The following AGBL4 variants were observed in gnomAD, a reference collection of about 807,000 sequenced individuals.
AGBL4 encodes AGBL carboxypeptidase 4, also known as cytosolic carboxypeptidase 6.
In AGBL4, 58 loss-of-function variants were observed where a neutral mutation model predicts 66.4. The observed-to-expected ratio is 0.87, with a 90% CI of 0.71 to 1.09. The LOEUF is 1.09. Ranked by LOEUF, AGBL4 falls within the 50% of genes least tolerant of loss-of-function variation. The pLI, the probability that AGBL4 is intolerant of heterozygous loss-of-function variation, is 0.00. For missense variants in AGBL4, 579 were observed against 631.0 expected (o/e 0.92, Z 0.88); for synonymous variants, 234 against 222.9 (o/e 1.05, Z -0.44).
At chr1:49,877,761 A>T (rs1348291740) in intron 1 of AGBL4, among the ~76,000 whole-genome samples, 1 of 151,138 alleles carries the variant, frequency 6.6e-6, no homozygotes, top group Non-Finnish European at 1.5e-5. Flanking sequence ...TACCTCTGGT[A>T]GAATTCGGCT....
intron 4 of AGBL4, among the ~76,000 whole-genome samples, chr1:49,237,227 C>A (rs1202741691): frequency 6.6e-6 from 1 of 151,472 alleles, no homozygotes; most frequent in Non-Finnish European, 1.5e-5. Flanking sequence ...TGTGCCACTG[C>A]ACTCCAGCCT....
At chr1:49,771,296 T>C (rs1644051476) in intron 2 of AGBL4, among the ~76,000 whole-genome samples, 1 of 152,166 alleles carries the variant, frequency 6.6e-6, no homozygotes, top group South Asian at 2.1e-4. Context: ...TTTCCATGTA[T>C]TTGAAAGGTT....
intron 4 of AGBL4, among the ~76,000 whole-genome samples, chr1:49,064,185 T>C (rs1443159377): frequency 6.6e-6 from 1 of 152,256 alleles, no homozygotes; most frequent in Non-Finnish European, 1.5e-5. Flanking sequence ...CTTTTCTTTA[T>C]ATGAACAAAG....
intron 3 of AGBL4, among the ~76,000 whole-genome samples, chr1:49,606,725 T>C (rs1466391708): frequency 6.6e-6 from 1 of 152,132 alleles, no homozygotes; most frequent in Admixed American, 6.6e-5. Flanking sequence ...TGAGGTGATA[T>C]ATCCAAGATG....
intron 1 of AGBL4, chr1:49,994,348 T>G (rs1660194142): frequency 2.7e-5 from 4 of 150,916 alleles, no homozygotes; most frequent in Admixed American, 6.6e-5. Context: ...AAAACCTGCT[T>G]TCTTCAAACA....
intron 4 of AGBL4, among the ~76,000 whole-genome samples, chr1:49,058,205 C>T (rs74076768): frequency 7.9e-4 from 120 of 152,232 alleles, no homozygotes; most frequent in African/African-American, 2.7e-3. Flanking sequence ...TCTTTCCAGC[C>T]TGATATGGTT....
At chr1:49,583,655 G>T (rs1644589642) in intron 3 of AGBL4, among the ~76,000 whole-genome samples, 1 of 152,072 alleles carries the variant, frequency 6.6e-6, no homozygotes, top group South Asian at 2.1e-4. Flanking sequence ...TTGGTAGCTG[G>T]AGAATTGTTC....
intron 4 of AGBL4, among the ~76,000 whole-genome samples, chr1:49,170,390 T>A (rs1205166114): frequency 7.0e-6 from 1 of 142,856 alleles, no homozygotes; most frequent in Non-Finnish European, 1.5e-5. Context: ...TAAGTTATTG[T>A]ATATTTATAT....
rs148169769 is a variant in AGBL4 at position 49,077,942 on chromosome 1, C to T, written c.378-32142G>A. ...CATTTATTAAGGGCTTACTATATAA[C>T]AGGCATTGTTACATTTTATTCATTA... On this transcript the variant is annotated intron_variant, in intron 4 of 13. Coordinates refer to ENST00000371839, the MANE Select transcript of AGBL4 (RefSeq NM_032785.4). Among the ~76,000 whole-genome samples the T allele has an allele frequency of 8.8e-3, 1,334 of 152,186 alleles. 8 individuals carry two copies. Among genetic ancestry groups the T allele is most frequent in the Non-Finnish European group, 0.014 (956 of 67,976 alleles).
At chr1:49,110,467 C>T (rs1645384412) in intron 4 of AGBL4, among the ~76,000 whole-genome samples, 1 of 152,012 alleles carries the variant, frequency 6.6e-6, no homozygotes, top group African/African-American at 2.4e-5. Context: ...ATTCTTTTTC[C>T]CTTACCACCA....
intron 3 of AGBL4, among the ~76,000 whole-genome samples, chr1:49,591,725 C>A (rs1644755234): frequency 6.6e-6 from 1 of 151,966 alleles, no homozygotes; most frequent in South Asian, 2.1e-4. Context: ...GCATAATACT[C>A]GTACAAAAAC....
rs1307629190 is a variant in AGBL4 at position 49,674,251 on chromosome 1, T to G, written c.282+23062A>C. Among the ~76,000 whole-genome samples the G allele has an allele frequency of 2.6e-5, 4 of 152,032 alleles. No homozygotes were observed. The East Asian group carries it at 7.7e-4, about 29-fold the overall frequency. ...GTCTTCTCATCCAACTCTTTTGCTTTTAGGTGGGTAAAATGAGGCTAGAAA... is the reference window on the plus strand; with the variant it reads ...GTCTTCTCATCCAACTCTTTTGCTTGTAGGTGGGTAAAATGAGGCTAGAAA... On this transcript the variant is annotated intron_variant, in intron 3 of 13. Coordinates refer to ENST00000371839, the MANE Select transcript of AGBL4 (RefSeq NM_032785.4).
intron 3 of AGBL4, among the ~76,000 whole-genome samples, chr1:49,385,427 T>G (rs1644716922): frequency 6.6e-6 from 1 of 152,034 alleles, no homozygotes; most frequent in Admixed American, 6.6e-5. Context: ...TGGTGAGATC[T>G]TGGACCTATT....
At chr1:49,929,709 T>A (rs2148260574) in intron 1 of AGBL4, among the ~76,000 whole-genome samples, 1 of 151,882 alleles carries the variant, frequency 6.6e-6, no homozygotes, top group East Asian at 1.9e-4. Flanking sequence ...CCTAAAGGAA[T>A]TAAAGGCAGC....
Position 48,587,146 on chromosome 1 carries a change from C to T in AGBL4, c.1125G>A (p.Arg375=), listed in dbSNP as rs1644835661. ...GGCCAGTTCCTGCTTTCACAGCGTC[C>T]CGGTTAAAGGATGTGCTGGACTGTG... ...DFSYSSTSFN[R]DAVKAGTGRR... The change falls in exon 11 of 14, where the codon CGG becomes CGA. Residue 375 remains arginine (R), a synonymous_variant. Transcript: ENST00000371839. The T allele has an allele frequency of 6.4e-7, 1 of 1,555,700 alleles. No individual in the cohort carries two copies. The highest frequency in any genetic ancestry group is 8.7e-7 in the Non-Finnish European group (1 of 1,149,632).
chr1:48,745,811 C>G (rs1335945323), intron 6 of AGBL4, among the ~76,000 whole-genome samples: 1 of 152,154 alleles, frequency 6.6e-6, no homozygotes, highest in African/African-American at 2.4e-5. Flanking sequence ...GTTTAGTTGA[C>G]TTGTGACCTT....
intron 2 of AGBL4, among the ~76,000 whole-genome samples, chr1:49,706,298 T>C (rs1269997041): frequency 2.0e-5 from 3 of 152,182 alleles, no homozygotes; most frequent in African/African-American, 4.8e-5. Flanking sequence ...TGTCCAGGAA[T>C]TCATCCATTT....
At chr1:49,453,936 T>C (rs1049739676) in intron 3 of AGBL4, among the ~76,000 whole-genome samples, 5 of 151,764 alleles carry the variant, frequency 3.3e-5, no homozygotes, top group South Asian at 2.1e-4. Context: ...ATTCTGGTAA[T>C]AGAACATGAC....
intron 2 of AGBL4, among the ~76,000 whole-genome samples, chr1:49,789,943 A>G (rs1209971515): frequency 6.6e-6 from 1 of 152,216 alleles, no homozygotes; most frequent in African/African-American, 2.4e-5. Context: ...CTACAAGGCT[A>G]CAGTAACCAA....
Sources: allele counts gnomAD v4.1 joint callset (sites outside exome capture counted in the v4.1 genomes callset), GRCh38; gene constraint gnomAD v4.1.1; transcripts MANE v1.5; gene names NCBI Gene and HGNC (gene_info 2026-07-23, HGNC 2026-07-21).